Variants in OSMR observed in about 807,000 individuals in gnomAD.
OSMR encodes oncostatin M receptor.
Under a neutral mutation model 99.9 loss-of-function variants are expected in OSMR, and 81 were observed. That is an observed-to-expected ratio of 0.81 (90% CI 0.68 to 0.97). OSMR has a LOEUF of 0.97. Among genes scored for constraint, OSMR ranks in the 50% least tolerant of loss-of-function variants. The pLI is 0.00. For missense variants in OSMR, 1,099 were observed against 1,153.4 expected (o/e 0.95, Z 0.68); for synonymous variants, 406 against 410.4 (o/e 0.99, Z 0.13).
At chr5:38,908,480 T>G (rs1038307100) in intron 9 of OSMR, among the ~76,000 whole-genome samples, 1 of 152,220 alleles carries the variant, frequency 6.6e-6, no homozygotes, top group Non-Finnish European at 1.5e-5. Context: ...GCCACTACCC[T>G]GATGAAGTGC....
chr5:38,937,496 G>A (rs1747106961), downstream of OSMR, among the ~76,000 whole-genome samples: 1 of 152,144 alleles, frequency 6.6e-6, no homozygotes, highest in South Asian at 2.1e-4. This position sits in a 1 kb window ranked among gnomAD's most constrained non-coding sequence, Gnocchi z 4.0. Context: ...TTATCCTCCA[G>A]AATTGGTAAT....
At chr5:38,849,479 CCTAAACCAATATTACTCTGA>C (rs890951097) in intron 1 of OSMR, among the ~76,000 whole-genome samples, 47 of 149,100 alleles carry the variant, frequency 3.2e-4, no homozygotes, top group African/African-American at 1.1e-3. Flanking sequence ...TTTGTTTTTC[CCTAAACCAATATTACTCTGA>C]GTTAACTACT....
At chr5:38,937,120 C>T (rs1449041129), downstream of OSMR, among the ~76,000 whole-genome samples, 1 of 152,160 alleles carries the variant, frequency 6.6e-6, no homozygotes, top group Non-Finnish European at 1.5e-5. The surrounding 1 kb of genome is among the most constrained non-coding windows in gnomAD (Gnocchi z 4.0). Context: ...CTGCAAGCTC[C>T]GCCTCCCAGG....
chr5:38,885,205 G>A, intron 5 of OSMR, 144 bp from the exon 6 acceptor site: 1 of 1,498,072 alleles, frequency 6.7e-7, no homozygotes, highest in South Asian at 1.3e-5. Flanking sequence ...ACTTTTGGAG[G>A]CTGTTGATAG....
At chr5:38,879,658 C>G (rs889228427) in intron 3 of OSMR, among the ~76,000 whole-genome samples, 6 of 140,858 alleles carry the variant, frequency 4.3e-5, no homozygotes, top group African/African-American at 1.4e-4. Flanking sequence ...GAGTCTCACT[C>G]TGTTGCCCAG....
Position 38,932,739 on chromosome 5 carries a change from C to CA in OSMR, c.2368-132dup. The CA allele has an allele frequency of 2.0e-6, 3 of 1,526,224 alleles. No individual in the cohort carries two copies. The South Asian group carries it at 3.8e-5, about 19-fold the overall frequency. The allele number at this position is 1,526,224 out of a possible 1,614,324, so 94.5% of individuals were successfully genotyped here. On this transcript the variant is annotated intron_variant, in intron 17 of 17. Transcript: ENST00000274276. ...ATCTTTTGGTTTTCAACATCACCTC[C>CA]AGGTTACTTGTGACCAGGAAGAAAC...
Position 38,911,291 on chromosome 5 carries a change from C to G in OSMR, c.1286-6255C>G, listed in dbSNP as rs375027425. On this transcript the variant is annotated intron_variant, in intron 9 of 17. Coordinates refer to ENST00000274276, the MANE Select transcript of OSMR (RefSeq NM_003999.3). ...GAAACACAAAAACTCTCAGAGATTA[C>G]TGTGAGCACCTTTTTGGACACAAAC... 2.2e-4 allele frequency among the ~76,000 whole-genome samples: 33 copies of G among 152,288 alleles called. 1 individual carries two copies. The South Asian group carries it at 6.8e-3, about 32-fold the overall frequency.
intron 1 of OSMR, chr5:38,942,350 G>C: frequency 6.3e-7 from 1 of 1,596,230 alleles, no homozygotes; most frequent in Non-Finnish European, 8.6e-7. Flanking sequence ...TGGTGGTGTT[G>C]CCAACACAGC....
At chr5:38,879,974 C>T (rs1329314643) in intron 3 of OSMR, among the ~76,000 whole-genome samples, 2 of 152,044 alleles carry the variant, frequency 1.3e-5, no homozygotes, top group Admixed American at 6.6e-5. Context: ...TTTCATGGAT[C>T]AGGACCTCAC....
Position 38,904,039 on chromosome 5 carries a change from T to C in OSMR, c.1134+15T>C. The C allele has an allele frequency of 6.2e-7, 1 of 1,613,196 alleles. No homozygotes were observed. The highest frequency in any genetic ancestry group is 8.5e-7 in the Non-Finnish European group (1 of 1,179,834). Reference sequence around the variant, plus strand: ...AAATGATGCAAGTAAGAACCCTGCTTAATTTTCTATTTTCAAAAATTCTTT... The same window carrying C: ...AAATGATGCAAGTAAGAACCCTGCTCAATTTTCTATTTTCAAAAATTCTTT... On this transcript the variant is annotated intron_variant, in intron 8 of 17. Coordinates refer to ENST00000274276, the MANE Select transcript of OSMR (RefSeq NM_003999.3).
chr5:38,871,300 G>C (rs1742373089), intron 2 of OSMR, among the ~76,000 whole-genome samples: 2 of 152,170 alleles, frequency 1.3e-5, no homozygotes, highest in South Asian at 2.1e-4. Context: ...CATGCTTTCA[G>C]CTTCTTTTGT....
Position 38,876,232 on chromosome 5 carries a change from A to G in OSMR, c.105A>G (p.Val35=). The G allele has an allele frequency of 6.2e-7, 1 of 1,613,824 alleles. No homozygotes were observed. Among genetic ancestry groups the G allele is most frequent in the Non-Finnish European group, 8.5e-7 (1 of 1,179,776 alleles). Residue 35 remains valine (V), a synonymous_variant, in exon 3 of 18, where the codon GTA becomes GTG. Transcript: ENST00000274276. ...CTGAACGTTTACCATTGACTCCTGT[A>G]TCACTTAAAGTTTCCACCAATTCTA... is the stretch of plus-strand genomic sequence containing the variant. The part of the protein sequence containing the change: ...VLAERLPLTP[V]SLKVSTNSTR...
intron 12 of OSMR, 88 bp downstream of exon 12, chr5:38,921,882 A>T: frequency 3.5e-6 from 4 of 1,132,516 alleles, no homozygotes; most frequent in Non-Finnish European, 5.4e-6. Flanking sequence ...ACAGACTTTG[A>T]CTGTGCTAAG....
At chr5:38,920,067 C>G (rs754785390) in intron 11 of OSMR, among the ~76,000 whole-genome samples, 7 of 152,154 alleles carry the variant, frequency 4.6e-5, no homozygotes, top group Non-Finnish European at 1.0e-4. Context: ...GCATTTCATT[C>G]AGCCTCGGGG....
intron 9 of OSMR, among the ~76,000 whole-genome samples, chr5:38,906,577 T>G (rs1003315767): frequency 2.0e-5 from 3 of 152,226 alleles, no homozygotes; most frequent in Non-Finnish European, 2.9e-5. Flanking sequence ...AGCTTAGATA[T>G]TGTCCCTGAG....
chr5:38,864,036 A>G (rs181565856), intron 1 of OSMR, among the ~76,000 whole-genome samples: 3 of 152,084 alleles, frequency 2.0e-5, no homozygotes, highest in Admixed American at 6.6e-5. Context: ...TTCAGTCTAT[A>G]TGTATCTTTA....
intron 7 of OSMR, among the ~76,000 whole-genome samples, chr5:38,900,921 C>G (rs1744848696): frequency 6.6e-6 from 1 of 152,130 alleles, no homozygotes; most frequent in Non-Finnish European, 1.5e-5. Context: ...CATAAATGAC[C>G]CCATTTTGAT....
chr5:38,945,454 C>T (rs772190937), downstream of OSMR: 3 of 1,381,734 alleles, frequency 2.2e-6, no homozygotes, highest in Non-Finnish European at 3.1e-6. Flanking sequence ...CTTTAGTCAT[C>T]ACTAGGTTTT....
In OSMR at chr5:38,935,384, CGTA is replaced by C. The variant is rs1746967258; in HGVS notation, c.*1945_*1947del. 1 of 152,002 alleles carries C rather than the reference CGTA, an allele frequency of 6.6e-6. No individual in the cohort carries two copies. Among genetic ancestry groups the C allele is most frequent in the African/African-American group, 2.4e-5 (1 of 41,322 alleles). 9.4% of individuals were successfully genotyped at this position (152,002 alleles called of 1,614,324 possible). A position where few individuals can be genotyped will look rare whatever the true frequency, so the allele number is the denominator to read the frequency against. On this transcript the variant is annotated 3_prime_UTR_variant, in exon 18 of 18. Coordinates refer to ENST00000274276, the MANE Select transcript of OSMR (RefSeq NM_003999.3). ...GGAAACATTGATTATGTGCTCCTCA[CGTA>C]GTAGAAAGCGGTATCCTGATTAGTC...
Sources: allele counts gnomAD v4.1 joint callset (sites outside exome capture counted in the v4.1 genomes callset), GRCh38; gene constraint gnomAD v4.1.1; non-coding constraint Gnocchi (gnomAD v3.1); transcripts MANE v1.5; gene names NCBI Gene and HGNC (gene_info 2026-07-23, HGNC 2026-07-21).